Variants in JAM2 observed in about 807,000 individuals in gnomAD.
JAM2 encodes junctional adhesion molecule B.
Under a neutral mutation model 42.0 loss-of-function variants are expected in JAM2, and 17 were observed. The observed-to-expected ratio is 0.40, with a 90% CI of 0.28 to 0.61. The LOEUF is 0.61. Among genes scored for constraint, JAM2 ranks in the 20% least tolerant of loss-of-function variants. The pLI is 0.37. For synonymous variants in JAM2, 118 were observed against 128.6 expected (o/e 0.92, Z 0.56); for missense variants, 319 against 358.3 (o/e 0.89, Z 0.89).
At chr21:25,652,511 T>C (rs1007570345) in intron 1 of JAM2, among the ~76,000 whole-genome samples, 23 of 152,206 alleles carry the variant, frequency 1.5e-4, no homozygotes, top group African/African-American at 5.1e-4. Context: ...CACCAAACAG[T>C]AGAATATATC....
chr21:25,665,420 A>G (rs918690938), intron 1 of JAM2, among the ~76,000 whole-genome samples: 5 of 152,218 alleles, frequency 3.3e-5, no homozygotes, highest in African/African-American at 1.2e-4. Context: ...TAGGCACTCA[A>G]ATTAATTTAC....
chr21:25,684,346 T>C (rs1291067827), intron 2 of JAM2, among the ~76,000 whole-genome samples: 1 of 152,174 alleles, frequency 6.6e-6, no homozygotes, highest in Non-Finnish European at 1.5e-5. Context: ...CATGTTCTTA[T>C]CTATTTTAGC....
chr21:25,678,610 G>A (rs1389525651), intron 1 of JAM2, among the ~76,000 whole-genome samples: 2 of 152,138 alleles, frequency 1.3e-5, no homozygotes, highest in African/African-American at 4.8e-5. Flanking sequence ...GAGCCACATG[G>A]GTCACTGCTT....
At chr21:25,649,203 A>G (rs2032699748) in intron 1 of JAM2, among the ~76,000 whole-genome samples, 1 of 152,232 alleles carries the variant, frequency 6.6e-6, no homozygotes, top group African/African-American at 2.4e-5. Flanking sequence ...CTAGACTAGA[A>G]CAAAGCACGT....
Position 25,706,701 on chromosome 21 carries a change from A to G in JAM2, c.805+615A>G, listed in dbSNP as rs2829872. On this transcript the variant is annotated intron_variant, in intron 7 of 9. Coordinates refer to ENST00000480456, the MANE Select transcript of JAM2 (RefSeq NM_021219.4). ...CAGCGAGACAGAGATATTCAATGTGAACGGATATTTATAGTATCTTTGCAT... is the reference window on the plus strand; with the variant it reads ...CAGCGAGACAGAGATATTCAATGTGGACGGATATTTATAGTATCTTTGCAT... 5.9e-3 allele frequency among the ~76,000 whole-genome samples: 903 copies of G among 152,240 alleles called. 4 individuals are homozygous for G. Among genetic ancestry groups the G allele is most frequent in the African/African-American group, 0.019 (806 of 41,522 alleles).
chr21:25,653,037 G>A (rs1261378711), intron 1 of JAM2, among the ~76,000 whole-genome samples: 1 of 152,168 alleles, frequency 6.6e-6, no homozygotes, highest in Non-Finnish European at 1.5e-5. Flanking sequence ...GTGGCCTAGG[G>A]AAAAGCAAAG....
intron 2 of JAM2, among the ~76,000 whole-genome samples, chr21:25,685,650 A>G (rs969917481): frequency 1.3e-5 from 2 of 151,958 alleles, no homozygotes; most frequent in Admixed American, 6.6e-5. Flanking sequence ...TGCTTAAGCT[A>G]TAGAACACTC....
At chr21:25,661,921 A>T (rs914859304) in intron 1 of JAM2, among the ~76,000 whole-genome samples, 2 of 151,960 alleles carry the variant, frequency 1.3e-5, no homozygotes, top group Non-Finnish European at 2.9e-5. Context: ...AATGTTAAAA[A>T]ATAATTGCAG....
chr21:25,716,722 G>T lies in JAM2; in HGVS notation c.*2050G>T, dbSNP rs1373102501. ...TTACAAAAACAGCAGGCACAGACAA[G>T]ATTTGGCCCACAGGCATAGATTCCC... On this transcript the variant is annotated 3_prime_UTR_variant, in exon 10 of 10. Coordinates refer to ENST00000480456, the MANE Select transcript of JAM2 (RefSeq NM_021219.4). The T allele has an allele frequency of 1.3e-5, 2 of 152,226 alleles. No individual in the cohort carries two copies. Among genetic ancestry groups the T allele is most frequent in the South Asian group, 2.1e-4 (1 of 4,832 alleles). The allele number at this position is 152,226 out of a possible 1,614,324, so 9.4% of individuals were successfully genotyped here.
At chr21:25,641,414 A>T (rs1243969457) in intron 1 of JAM2, among the ~76,000 whole-genome samples, 1 of 152,236 alleles carries the variant, frequency 6.6e-6, no homozygotes, top group Non-Finnish European at 1.5e-5. Context: ...AGAGGCGAAC[A>T]AAAGCATAAA....
Position 25,714,488 on chromosome 21 carries a change from A to G in JAM2, c.865-152A>G, listed in dbSNP as rs2034443637. 6.7e-6 allele frequency: 4 copies of G among 600,520 alleles called. No individual in the cohort carries two copies. In the Admixed American group the frequency reaches 1.6e-4, roughly 24 times the overall value. The allele number at this position is 600,520 out of a possible 1,614,324, so 37.2% of individuals were successfully genotyped here. A position where few individuals can be genotyped will look rare whatever the true frequency, so the allele number is the denominator to read the frequency against. ...AGTCCAGCCTGGGTAACAGAGCAAG[A>G]TTCCATCTCAAAAAATAAAATAAAT... On this transcript the variant is annotated intron_variant, in intron 9 of 9. Transcript: ENST00000480456.
intron 1 of JAM2, among the ~76,000 whole-genome samples, chr21:25,660,289 T>TA (rs1419985050): frequency 2.0e-5 from 3 of 152,150 alleles, no homozygotes; most frequent in African/African-American, 7.2e-5. Flanking sequence ...ATTTTACTTT[T>TA]AAAAAATTAC....
intron 1 of JAM2, among the ~76,000 whole-genome samples, chr21:25,682,046 C>A (rs759202665): frequency 6.6e-6 from 1 of 152,212 alleles, no homozygotes; most frequent in Non-Finnish European, 1.5e-5. Context: ...TTGATCCGAC[C>A]TCATTTACTG....
At chr21:25,712,438 GA>G in intron 9 of JAM2, 56 bp downstream of exon 9, 1 of 1,213,028 alleles carries the variant, frequency 8.2e-7, no homozygotes, top group Non-Finnish European at 1.2e-6. Flanking sequence ...ATAGGGCAGG[GA>G]AATGAAGTAA....
intron 1 of JAM2, among the ~76,000 whole-genome samples, 200 bp downstream of exon 1, chr21:25,640,088 G>A (rs1385182471): frequency 6.6e-6 from 1 of 152,232 alleles, no homozygotes; most frequent in Non-Finnish European, 1.5e-5. Context: ...GCGAGGTCGT[G>A]GGTTTCTTGT....
At chr21:25,674,056 G>C (rs898818851) in intron 1 of JAM2, among the ~76,000 whole-genome samples, 1 of 152,180 alleles carries the variant, frequency 6.6e-6, no homozygotes, top group African/African-American at 2.4e-5. Flanking sequence ...GGCCTCCCCA[G>C]CCACATGGAA....
intron 4 of JAM2, among the ~76,000 whole-genome samples, chr21:25,694,843 A>T (rs575038344): frequency 3.8e-4 from 57 of 148,156 alleles, no homozygotes; most frequent in East Asian, 1.0e-3. Flanking sequence ...CTCAAAAAAA[A>T]AAAAAATAAA....
chr21:25,666,315 T>TTATTATTATTATTATTATTA (rs2033219494), intron 1 of JAM2, among the ~76,000 whole-genome samples: 14 of 146,612 alleles, frequency 9.5e-5, no homozygotes, highest in African/African-American at 3.3e-4. Flanking sequence ...TGTTACGGCT[T>TTATTATTATTATTATTATTA]TTATTATTAT....
At chr21:25,668,555 C>A (rs1234350004) in intron 1 of JAM2, among the ~76,000 whole-genome samples, 1 of 152,138 alleles carries the variant, frequency 6.6e-6, no homozygotes, top group African/African-American at 2.4e-5. Context: ...TTTTCTCAAC[C>A]AGAGCAATGG....
Sources: gnomAD v4.1 joint callset for allele counts (sites outside exome capture counted in the v4.1 genomes callset) on GRCh38, gnomAD v4.1.1 for gene constraint, MANE v1.5 for transcripts, NCBI Gene and HGNC (gene_info 2026-07-23, HGNC 2026-07-21) for gene names.